Variants in UBXN7 observed in about 807,000 individuals in gnomAD.
UBXN7 encodes UBX domain-containing protein 7.
A neutral mutation model predicts 58.0 loss-of-function variants in UBXN7; 9 were observed. That is an observed-to-expected ratio of 0.16 (90% CI 0.09 to 0.27). The LOEUF is 0.27. UBXN7 is among the 10% of genes least tolerant of loss of function. UBXN7 has a pLI of 1.00. For missense variants in UBXN7, 328 were observed against 599.6 expected (o/e 0.55, Z 4.73); for synonymous variants, 208 against 205.0 (o/e 1.01, Z -0.12).
intron 3 of UBXN7, among the ~76,000 whole-genome samples, chr3:196,397,179 T>G (rs564197659): frequency 6.6e-6 from 1 of 152,296 alleles, no homozygotes; most frequent in East Asian, 1.9e-4. Context: ...CAGTCCTCTG[T>G]CCTCACTCTA....
At chr3:196,429,154 C>T (rs549607798) in intron 1 of UBXN7, among the ~76,000 whole-genome samples, 1 of 152,070 alleles carries the variant, frequency 6.6e-6, no homozygotes, top group Middle Eastern at 3.2e-3. Flanking sequence ...GGTGAAACCC[C>T]GTCTCTACTA....
intron 5 of UBXN7, among the ~76,000 whole-genome samples, chr3:196,387,555 T>C (rs917084662): frequency 3.3e-5 from 5 of 152,162 alleles, no homozygotes; most frequent in Admixed American, 2.0e-4. Flanking sequence ...AAAAGGCTAA[T>C]ATCCAGAATC....
chr3:196,398,749 G>A (rs904527994), intron 3 of UBXN7, among the ~76,000 whole-genome samples: 4 of 151,904 alleles, frequency 2.6e-5, no homozygotes, highest in Non-Finnish European at 4.4e-5. Flanking sequence ...CTCACCCCTC[G>A]GCCTCCTGAG....
intron 3 of UBXN7, among the ~76,000 whole-genome samples, chr3:196,401,270 AAAAAATAT>A (rs1310816352): frequency 4.8e-5 from 4 of 83,172 alleles, no homozygotes. Context: ...AAAAAAAAAA[AAAAAATAT>A]ATATATATAT....
chr3:196,378,249 T>A (rs1317976794), intron 5 of UBXN7, among the ~76,000 whole-genome samples: 1 of 152,202 alleles, frequency 6.6e-6, no homozygotes, highest in Non-Finnish European at 1.5e-5. Context: ...CTCTTACTTA[T>A]AGAACCTCCA....
At chr3:196,369,379 A>G in intron 7 of UBXN7, 42 bp downstream of exon 7, 1 of 1,419,384 alleles carries the variant, frequency 7.0e-7, no homozygotes, top group Non-Finnish European at 9.9e-7. Context: ...TAACTGAAAG[A>G]CAAGTAATAG....
chr3:196,403,168 G>T, intron 2 of UBXN7, 149 bp from the exon 3 acceptor site: 1 of 793,904 alleles, frequency 1.3e-6, no homozygotes, highest in Non-Finnish European at 1.9e-6. Context: ...TTTTTTGGGG[G>T]GGCGGTGGAG....
In UBXN7 at chr3:196,380,375, G is replaced by A. The variant is rs531585382; in HGVS notation, c.469-8333C>T. On this transcript the variant is annotated intron_variant, in intron 5 of 10. Coordinates refer to ENST00000296328, the MANE Select transcript of UBXN7 (RefSeq NM_015562.2). Reference sequence around the variant, plus strand: ...AAGGCAACTTGAATCATGCAGACAAGGGCAAGCAAGACCTAGGGGATGGCA... The same window carrying A: ...AAGGCAACTTGAATCATGCAGACAAAGGCAAGCAAGACCTAGGGGATGGCA... 2.5e-4 allele frequency among the ~76,000 whole-genome samples: 38 copies of A among 152,292 alleles called. No homozygotes were observed. The South Asian group carries it at 7.2e-3, about 29-fold the overall frequency.
intron 2 of UBXN7, among the ~76,000 whole-genome samples, chr3:196,404,419 C>T (rs188038182): frequency 6.6e-6 from 1 of 152,188 alleles, no homozygotes. Context: ...CACGCCACCA[C>T]GCCCGGCTAA....
Position 196,362,269 on chromosome 3 carries a change from TA to T in UBXN7, c.1228+24del, listed in dbSNP as rs532789199. On this transcript the variant is annotated intron_variant, in intron 9 of 10. Transcript: ENST00000296328. The stretch of plus-strand genomic sequence containing the variant: ...CCGGCCCCAATATCTAAGTTTGAAG[TA>T]AAGTATGTCTAAATGTAACTTACCA... 7,802 of 1,558,038 alleles carry T rather than the reference TA, an allele frequency of 5.0e-3. 26 individuals are homozygous for T. The highest frequency in any genetic ancestry group is 4.9e-3 in the Non-Finnish European group (5,652 of 1,155,428).
intron 5 of UBXN7, among the ~76,000 whole-genome samples, chr3:196,386,016 A>G (rs1371548512): frequency 1.3e-5 from 2 of 152,132 alleles, no homozygotes; most frequent in African/African-American, 2.4e-5. Flanking sequence ...AGGAGACTCC[A>G]TTTTGTTCTG....
At chr3:196,395,740 C>T (rs1168573546) in intron 3 of UBXN7, among the ~76,000 whole-genome samples, 2 of 151,592 alleles carry the variant, frequency 1.3e-5, no homozygotes, top group African/African-American at 4.8e-5. Context: ...TTACAGGCAC[C>T]AGCCACCATG....
chr3:196,391,750 A>T (rs6583305), intron 5 of UBXN7, 63 bp downstream of exon 5: 439,844 of 1,215,114 alleles, frequency 0.36, 86,339 homozygotes, highest in East Asian at 0.84. Context: ...GTAATTTTTT[A>T]AAAAAAGGCA....
intron 5 of UBXN7, among the ~76,000 whole-genome samples, chr3:196,380,045 C>T (rs924056480): frequency 6.6e-6 from 1 of 152,162 alleles, no homozygotes. Flanking sequence ...GTCAGGAGAT[C>T]GAGACCATCC....
chr3:196,355,687 G>A lies in UBXN7; in HGVS notation c.*998C>T, dbSNP rs1728326116. The A allele has an allele frequency of 5.3e-5, 8 of 152,172 alleles. No homozygotes were observed. 9.4% of individuals were successfully genotyped at this position (152,172 alleles called of 1,614,324 possible). Reference sequence around the variant, plus strand: ...CATGGTTAGCAACTCTCAGCTGAATGGTTTTCTTTTTCCCCAGGGACATAC... The same window carrying A: ...CATGGTTAGCAACTCTCAGCTGAATAGTTTTCTTTTTCCCCAGGGACATAC... On this transcript the variant is annotated 3_prime_UTR_variant, in exon 11 of 11. Coordinates refer to ENST00000296328, the MANE Select transcript of UBXN7 (RefSeq NM_015562.2).
chr3:196,395,006 G>A (rs1023959148), intron 3 of UBXN7, among the ~76,000 whole-genome samples: 3 of 152,074 alleles, frequency 2.0e-5, no homozygotes, highest in East Asian at 1.9e-4. Context: ...CTATATCTAT[G>A]TGTTCTTAAA....
At chr3:196,414,384 G>GT (rs754591443) in intron 1 of UBXN7, among the ~76,000 whole-genome samples, 2 of 152,160 alleles carry the variant, frequency 1.3e-5, no homozygotes, top group African/African-American at 2.4e-5. Context: ...GCAAAATAAT[G>GT]TAAGTTCAAT....
At chr3:196,372,457 G>A (rs902299456) in intron 5 of UBXN7, among the ~76,000 whole-genome samples, 6 of 150,148 alleles carry the variant, frequency 4.0e-5, no homozygotes, top group East Asian at 4.0e-4. Flanking sequence ...TTCTCCCGCC[G>A]CAGCCTCCCA....
intron 5 of UBXN7, among the ~76,000 whole-genome samples, chr3:196,377,045 C>CAAAA (rs1159006266): frequency 2.9e-5 from 2 of 69,318 alleles, no homozygotes; most frequent in African/African-American, 9.3e-5. Context: ...GACTCTGTCT[C>CAAAA]AAAAAAAAAA....
Sources: gnomAD v4.1 joint callset for allele counts (sites outside exome capture counted in the v4.1 genomes callset) on GRCh38, gnomAD v4.1.1 for gene constraint, MANE v1.5 for transcripts, NCBI Gene and HGNC (gene_info 2026-07-23, HGNC 2026-07-21) for gene names.